Variants in SMAD4 observed in about 807,000 individuals in gnomAD.
The protein encoded by SMAD4 is SMAD family member 4.
In SMAD4, 7 loss-of-function variants were observed where a neutral mutation model predicts 63.2. That is an observed-to-expected ratio of 0.11 (90% CI 0.06 to 0.21). SMAD4 has a LOEUF of 0.21. Among genes scored for constraint, SMAD4 ranks in the 10% least tolerant of loss-of-function variants. The pLI is 1.00. For missense variants in SMAD4, 312 were observed against 693.8 expected (o/e 0.45, Z 6.18); for synonymous variants, 215 against 235.4 (o/e 0.91, Z 0.79).
chr18:51,056,290 T>C (rs769771482), intron 5 of SMAD4, among the ~76,000 whole-genome samples: 5 of 152,222 alleles, frequency 3.3e-5, no homozygotes, highest in Non-Finnish European at 7.3e-5. Flanking sequence ...TCTGTGCCTT[T>C]GTCAATGCTT....
chr18:51,039,591 G>C (rs1451340961), intron 1 of SMAD4, among the ~76,000 whole-genome samples: 2 of 148,762 alleles, frequency 1.3e-5, no homozygotes, highest in African/African-American at 5.0e-5. Flanking sequence ...CTGTGGCCAG[G>C]GGGTGGCTCT....
intron 1 of SMAD4, among the ~76,000 whole-genome samples, chr18:51,044,178 T>C (rs1434960322): frequency 6.6e-6 from 1 of 152,196 alleles, no homozygotes; most frequent in African/African-American, 2.4e-5. Context: ...TGAGTCTCAC[T>C]CTGTTGCCCA....
At chr18:51,056,224 G>A (rs959159227) in intron 5 of SMAD4, among the ~76,000 whole-genome samples, 1 of 152,126 alleles carries the variant, frequency 6.6e-6, no homozygotes, top group Non-Finnish European at 1.5e-5. Flanking sequence ...CTTGAACGTA[G>A]ATTAGTGCTA....
intron 9 of SMAD4, among the ~76,000 whole-genome samples, chr18:51,066,339 A>G (rs1275921260): frequency 2.1e-5 from 3 of 146,104 alleles, no homozygotes; most frequent in African/African-American, 5.1e-5. Context: ...GTGAGACTCC[A>G]TTTCAAAAAA....
chr18:51,071,565 T>C (rs921137963), intron 10 of SMAD4, among the ~76,000 whole-genome samples: 1 of 152,212 alleles, frequency 6.6e-6, no homozygotes, highest in African/African-American at 2.4e-5. Context: ...ATATGTTTTG[T>C]TTTGTGTTAT....
chr18:51,057,303 G>C (rs1909870929), intron 5 of SMAD4, among the ~76,000 whole-genome samples: 1 of 151,758 alleles, frequency 6.6e-6, no homozygotes, highest in African/African-American at 2.4e-5. Flanking sequence ...TGCTCTTTAA[G>C]AAACCAAATT....
At chr18:51,046,103 G>A (rs1304447191) in intron 1 of SMAD4, among the ~76,000 whole-genome samples, 2 of 152,064 alleles carry the variant, frequency 1.3e-5, no homozygotes, top group African/African-American at 4.8e-5. Context: ...GTGGACATGG[G>A]TTTTCATTTC....
At chr18:51,067,305 T>C (rs1910190729) in intron 10 of SMAD4, 118 bp downstream of exon 10, 2 of 551,880 alleles carry the variant, frequency 3.6e-6, no homozygotes, top group African/African-American at 3.8e-5. Context: ...TAAGAAATTG[T>C]GTTTAAGTAT....
Position 51,049,546 on chromosome 18 carries a change from A to G in SMAD4, c.454+222A>G, listed in dbSNP as rs141824982. On this transcript the variant is annotated intron_variant, in intron 4 of 11. Transcript: ENST00000342988. ...CTTTGTATTTGAACTGCAATTTATG[A>G]ACTAAAGTACTGTAAAAAAATATGA... The G allele has an allele frequency of 2.8e-3, 1,423 of 507,396 alleles. 15 individuals are homozygous for G. The highest frequency in any genetic ancestry group is 0.027 in the African/African-American group (1,301 of 48,284). 31.4% of individuals were successfully genotyped at this position (507,396 alleles called of 1,614,324 possible).
In SMAD4 at chr18:51,084,355, T is replaced by TA. The variant is rs1430063050; in HGVS notation, c.*5890dup. The stretch of plus-strand genomic sequence containing the variant: ...GAAAACAATACCAGTAGATGATTAT[T>TA]AACTTTATTCTTGGCTCTTTTTAGG... On this transcript the variant is annotated 3_prime_UTR_variant, in exon 12 of 12. Coordinates refer to ENST00000342988, the MANE Select transcript of SMAD4 (RefSeq NM_005359.6). The TA allele has an allele frequency of 4.3e-6, 1 of 229,948 alleles. No homozygotes were observed. Among genetic ancestry groups the TA allele is most frequent in the Non-Finnish European group, 8.6e-6 (1 of 116,004 alleles). 14.2% of individuals were successfully genotyped at this position (229,948 alleles called of 1,614,324 possible). A position where few individuals can be genotyped will look rare whatever the true frequency, so the allele number is the denominator to read the frequency against.
At chr18:51,057,036 T>G (rs1331413358) in intron 5 of SMAD4, among the ~76,000 whole-genome samples, 1 of 152,194 alleles carries the variant, frequency 6.6e-6, no homozygotes, top group Non-Finnish European at 1.5e-5. Context: ...TGCTAAAATG[T>G]CATTTTTACA....
At position 51,059,930 on chromosome 18, in the gene SMAD4, A is replaced by C. The variant is rs1322236124; in HGVS notation, c.955+14A>C. On this transcript the variant is annotated intron_variant, in intron 8 of 11. Coordinates refer to ENST00000342988, the MANE Select transcript of SMAD4 (RefSeq NM_005359.6). ...CCAATCATCCTGGTAAGTGTATTTC[A>C]AAATTGATTTCCTGTATTTAGATTG... is the stretch of plus-strand genomic sequence containing the variant. The C allele has an allele frequency of 1.3e-6, 2 of 1,596,484 alleles. No individual in the cohort carries two copies. Among genetic ancestry groups the C allele is most frequent in the African/African-American group, 2.7e-5 (2 of 74,596 alleles).
At position 51,076,676 on chromosome 18, in the gene SMAD4, G is replaced by A. The variant is rs1910478522; in HGVS notation, c.1347G>A (p.Gln449=). Residue 449 remains glutamine, a synonymous_variant, in exon 11 of 12, where the codon CAG becomes CAA. Coordinates refer to ENST00000342988, the MANE Select transcript of SMAD4 (RefSeq NM_005359.6). ...GTCAGTGTCATCGACAGATGCAGCAGCAGGCGGCTACTGCACAAGCTGCAG... is the reference window on the plus strand; with the variant it reads ...GTCAGTGTCATCGACAGATGCAGCAACAGGCGGCTACTGCACAAGCTGCAG... ...DLRQCHRQMQ[Q]QAATAQAAAA... is the part of the protein sequence containing the mutation. The A allele has an allele frequency of 4.3e-6, 7 of 1,613,860 alleles. No homozygotes were observed. The highest frequency in any genetic ancestry group is 5.9e-6 in the Non-Finnish European group (7 of 1,179,762).
chr18:51,035,452 G>A (rs1909176375), intron 1 of SMAD4, among the ~76,000 whole-genome samples: 1 of 152,114 alleles, frequency 6.6e-6, no homozygotes, highest in East Asian at 1.9e-4. Flanking sequence ...TAAGGCAAGA[G>A]GATCACTTGA....
chr18:51,084,292 C>T lies in SMAD4; in HGVS notation c.*5825C>T, dbSNP rs1447309853. The stretch of plus-strand genomic sequence containing the variant: ...ATTATGCTCAAAACAAGGAAATTCC[C>T]TTGAACCGTGTCAATTAAACTGGTT... On this transcript the variant is annotated 3_prime_UTR_variant, in exon 12 of 12. Transcript: ENST00000342988. 4.4e-6 allele frequency: 1 copy of T among 228,602 alleles called. No homozygotes were observed. Among genetic ancestry groups the T allele is most frequent in the Admixed American group, 5.7e-5 (1 of 17,544 alleles). 14.2% of individuals were successfully genotyped at this position (228,602 alleles called of 1,614,324 possible). A position where few individuals can be genotyped will look rare whatever the true frequency, so the allele number is the denominator to read the frequency against.
At chr18:51,030,789 C>T (rs1286260635) in intron 1 of SMAD4, among the ~76,000 whole-genome samples, 166 bp downstream of exon 1, 1 of 151,392 alleles carries the variant, frequency 6.6e-6, no homozygotes, top group East Asian at 2.0e-4. Context: ...CGAGCCGGGC[C>T]GGGCGGGCCG....
chr18:51,078,608 T>C lies in SMAD4; in HGVS notation c.*141T>C. ...GTTGAAAATGTGTTTGCTGCCTTGC[T>C]CCTAGCAGACAGAAACTGGATTAAA... On this transcript the variant is annotated 3_prime_UTR_variant, in exon 12 of 12. Transcript: ENST00000342988. 1.5e-6 allele frequency: 1 copy of C among 678,426 alleles called. No homozygotes were observed. Among genetic ancestry groups the C allele is most frequent in the Non-Finnish European group, 2.4e-6 (1 of 408,490 alleles). 42.0% of individuals were successfully genotyped at this position (678,426 alleles called of 1,614,324 possible).
chr18:51,078,218 C>T (rs775556007), intron 11 of SMAD4, 38 bp from the exon 12 acceptor site: 1 of 1,506,904 alleles, frequency 6.6e-7, no homozygotes, highest in East Asian at 2.3e-5. Flanking sequence ...GAAGAGATCA[C>T]CCTGTCCCTC....
In SMAD4 at chr18:51,084,011, C is replaced by T. The variant is rs1417195178; in HGVS notation, c.*5544C>T. Reference sequence around the variant, plus strand: ...CTTAACGCGCGTGCGCACGCGCGCGCGCACACACACACACACACACACACA... The same window carrying T: ...CTTAACGCGCGTGCGCACGCGCGCGTGCACACACACACACACACACACACA... On this transcript the variant is annotated 3_prime_UTR_variant, in exon 12 of 12. Transcript: ENST00000342988. The T allele has an allele frequency of 6.9e-5, 5 of 72,458 alleles. No individual in the cohort carries two copies. Among genetic ancestry groups the T allele is most frequent in the Admixed American group, 4.8e-4 (2 of 4,162 alleles). 4.5% of individuals were successfully genotyped at this position (72,458 alleles called of 1,614,324 possible). A position where few individuals can be genotyped will look rare whatever the true frequency, so the allele number is the denominator to read the frequency against.
Sources: gnomAD v4.1 joint callset for allele counts (sites outside exome capture counted in the v4.1 genomes callset) on GRCh38, gnomAD v4.1.1 for gene constraint, MANE v1.5 for transcripts, NCBI Gene and HGNC (gene_info 2026-07-23, HGNC 2026-07-21) for gene names.